PRR16: variants seen among roughly 807,000 people sequenced by gnomAD.
PRR16 encodes the protein protein Largen.
PRR16 carries 6 observed loss-of-function variants against 18.2 expected under a neutral mutation model. The ratio of observed to expected loss-of-function variants is 0.33; its 90% CI spans 0.18 to 0.65. PRR16 has a LOEUF of 0.65. PRR16 is among the 30% of genes least tolerant of loss of function. The pLI is 0.74. For missense variants in PRR16, 412 were observed against 376.6 expected, an observed-to-expected ratio of 1.09 and a Z score of -0.78; for synonymous variants, 151 against 147.8, an observed-to-expected ratio of 1.02 and a Z score of -0.16.
the PRR16 span, among the ~76,000 whole-genome samples, chr5:120,768,015 A>T: frequency 4.3e-3 from 646 of 151,890 alleles, 7 homozygotes; most frequent in African/African-American, 0.014. Context: ...ACCACAATCT[A>T]ATTTTAAAAT....
intron 1 of PRR16, among the ~76,000 whole-genome samples, chr5:120,537,997 C>T (rs1413770790): frequency 1.3e-5 from 2 of 151,690 alleles, no homozygotes; most frequent in South Asian, 2.1e-4. Context: ...GGGATGGTCT[C>T]AATCTCCTGA....
chr5:120,691,206 T>G (rs894565793), downstream of PRR16, among the ~76,000 whole-genome samples: 1 of 152,176 alleles, frequency 6.6e-6, no homozygotes, highest in African/African-American at 2.4e-5. Flanking sequence ...CAGCATGCTT[T>G]TTCTCTCCAC....
At chr5:120,663,071 C>A (rs1273890471) in intron 1 of PRR16, among the ~76,000 whole-genome samples, 1 of 152,108 alleles carries the variant, frequency 6.6e-6, no homozygotes, top group African/African-American at 2.4e-5. Flanking sequence ...CCATTGTCAA[C>A]CCTGCAGTCT....
chr5:120,754,285 T>TATATAATATATAATATATAATATATAA, the PRR16 span, among the ~76,000 whole-genome samples: 1 of 65,338 alleles, frequency 1.5e-5, no homozygotes, highest in African/African-American at 8.6e-5. Flanking sequence ...AATATATAAA[T>TATATAATATATAATATATAATATATAA]ATATAATATA....
the PRR16 span, among the ~76,000 whole-genome samples, chr5:120,782,295 A>AC: frequency 4.7e-3 from 716 of 151,980 alleles, 4 homozygotes; most frequent in African/African-American, 0.017. Flanking sequence ...GTTCAGAAGT[A>AC]CCCCCCTCCA....
the PRR16 span, among the ~76,000 whole-genome samples, chr5:120,737,104 CT>C: frequency 1.3e-5 from 2 of 152,054 alleles, no homozygotes; most frequent in African/African-American, 4.8e-5. Context: ...ATTCCTTTTA[CT>C]TTTTTTCTTT....
intron 1 of PRR16, among the ~76,000 whole-genome samples, chr5:120,467,313 G>A (rs1580607473): frequency 1.3e-5 from 2 of 151,858 alleles, no homozygotes; most frequent in Admixed American, 6.6e-5. Context: ...ATAAATTATC[G>A]GCGAGCTCTT....
the PRR16 span, among the ~76,000 whole-genome samples, chr5:120,758,240 G>A: frequency 2.6e-5 from 4 of 151,968 alleles, no homozygotes; most frequent in Admixed American, 6.6e-5. Flanking sequence ...ATTCTCAAAT[G>A]TAGTATTTTT....
intron 1 of PRR16, among the ~76,000 whole-genome samples, chr5:120,505,315 A>T (rs1363533956): frequency 2.0e-5 from 3 of 152,186 alleles, no homozygotes; most frequent in Non-Finnish European, 4.4e-5. Context: ...TTCCTGAGCA[A>T]ATGCATTAAA....
At chr5:120,762,134 T>C in the PRR16 span, among the ~76,000 whole-genome samples, 1 of 152,300 alleles carries the variant, frequency 6.6e-6, no homozygotes, top group East Asian at 1.9e-4. Context: ...TTAGGCTGAT[T>C]GCATGTATCT....
chr5:120,547,899 T>C (rs940590778), intron 1 of PRR16, among the ~76,000 whole-genome samples: 4 of 152,014 alleles, frequency 2.6e-5, no homozygotes, highest in African/African-American at 9.7e-5. Context: ...AGATGAGACA[T>C]GTTATTCAAT....
chr5:120,645,528 A>T (rs1207036287), intron 1 of PRR16, among the ~76,000 whole-genome samples: 3 of 152,096 alleles, frequency 2.0e-5, no homozygotes, highest in South Asian at 4.1e-4. Flanking sequence ...AATAATGAAG[A>T]TGAAAAATAC....
At chr5:120,521,210 G>A (rs946109094) in intron 1 of PRR16, among the ~76,000 whole-genome samples, 1 of 151,956 alleles carries the variant, frequency 6.6e-6, no homozygotes, top group Non-Finnish European at 1.5e-5. Flanking sequence ...GTTGCCTTTG[G>A]CTCGGGACAA....
At chr5:120,482,272 T>G (rs1321434533) in intron 1 of PRR16, among the ~76,000 whole-genome samples, 1 of 152,152 alleles carries the variant, frequency 6.6e-6, no homozygotes, top group Non-Finnish European at 1.5e-5. Context: ...TTTCAACACT[T>G]TTCCCGCTTC....
rs570743368 is a variant in PRR16 at position 120,675,558 on chromosome 5, G to A, written c.160-10396G>A. On this transcript the variant is annotated intron_variant, in intron 1 of 1. Transcript: ENST00000407149. ...TTTCCACCTTTTTATTAACTCATCT[G>A]TATATTTATAAAATATCTGATTAGA... 3.0e-4 allele frequency among the ~76,000 whole-genome samples: 46 copies of A among 152,020 alleles called. 1 individual carries two copies. In the South Asian group the frequency reaches 9.1e-3, roughly 30 times the overall value.
At chr5:120,718,564 G>T in the PRR16 span, among the ~76,000 whole-genome samples, 1 of 151,936 alleles carries the variant, frequency 6.6e-6, no homozygotes, top group East Asian at 1.9e-4. Context: ...CATCCAGCAG[G>T]CTTCCCTTAT....
the PRR16 span, among the ~76,000 whole-genome samples, chr5:120,706,693 C>G: frequency 3.3e-5 from 5 of 152,122 alleles, no homozygotes; most frequent in African/African-American, 1.2e-4. Context: ...CTCATAATAA[C>G]TCTTGTCAAA....
intron 1 of PRR16, among the ~76,000 whole-genome samples, chr5:120,671,132 C>G (rs932538793): frequency 6.6e-6 from 1 of 152,090 alleles, no homozygotes; most frequent in Admixed American, 6.6e-5. Flanking sequence ...CACACCATAC[C>G]CCTTACACTG....
chr5:120,618,281 T>C (rs1477944569), intron 1 of PRR16, among the ~76,000 whole-genome samples: 1 of 152,100 alleles, frequency 6.6e-6, no homozygotes, highest in Non-Finnish European at 1.5e-5. Context: ...TGTCATGCAT[T>C]TGACAACACT....
Sources: gnomAD v4.1 joint callset for allele counts (sites outside exome capture counted in the v4.1 genomes callset) on GRCh38, gnomAD v4.1.1 for gene constraint, MANE v1.5 for transcripts, NCBI Gene and HGNC (gene_info 2026-07-23, HGNC 2026-07-21) for gene names.